Variants in KMT2C observed in about 807,000 individuals in gnomAD.
The protein encoded by KMT2C is histone-lysine N-methyltransferase 2C.
In KMT2C, 88 loss-of-function variants were observed where a neutral mutation model predicts 507.9. The ratio of observed to expected loss-of-function variants is 0.17; its 90% CI spans 0.15 to 0.21. The LOEUF is 0.21. Among genes scored for constraint, KMT2C ranks in the 10% least tolerant of loss-of-function variants. The pLI is 1.00. For missense variants in KMT2C, 4,954 were observed against 5,957.8 expected, an observed-to-expected ratio of 0.83 and a Z score of 5.55; for synonymous variants, 2,049 against 2,080.8, an observed-to-expected ratio of 0.98 and a Z score of 0.42.
chr7:152,426,584 T>C (rs1463153162), intron 1 of KMT2C, among the ~76,000 whole-genome samples: 1 of 152,116 alleles, frequency 6.6e-6, no homozygotes, highest in Non-Finnish European at 1.5e-5. Flanking sequence ...ATCACTTCTG[T>C]CTCTAAATAG....
intron 9 of KMT2C, among the ~76,000 whole-genome samples, chr7:152,255,023 A>G (rs998449730): frequency 4.7e-5 from 7 of 149,726 alleles, no homozygotes; most frequent in Non-Finnish European, 1.0e-4. Flanking sequence ...CCTAAAAGAC[A>G]CAAAACTAGA....
intron 53 of KMT2C, 137 bp downstream of exon 53, chr7:152,146,462 T>C (rs1587665573): frequency 3.8e-6 from 3 of 793,068 alleles, no homozygotes; most frequent in East Asian, 5.4e-5. Flanking sequence ...CAATGCCTTA[T>C]TCCTCTAAGA....
At chr7:152,206,496 A>T (rs1328949302) in intron 24 of KMT2C, among the ~76,000 whole-genome samples, 1 of 152,160 alleles carries the variant, frequency 6.6e-6, no homozygotes, top group Non-Finnish European at 1.5e-5. Flanking sequence ...GAAGTAAGAA[A>T]GTTCTTCCTT....
chr7:152,330,771 G>T lies in KMT2C; in HGVS notation c.251-32C>A, dbSNP rs772877833. 4 of 1,601,256 alleles carry T rather than the reference G, an allele frequency of 2.5e-6. No individual in the cohort carries two copies. In the East Asian group the frequency reaches 6.7e-5, roughly 27 times the overall value. Reference sequence around the variant, plus strand: ...AACAGTAAACAAGAGAAAACAAAGAGTCATTTTTGTGTTTATTTTAATCAC... The same window carrying T: ...AACAGTAAACAAGAGAAAACAAAGATTCATTTTTGTGTTTATTTTAATCAC... On this transcript the variant is annotated intron_variant, in intron 2 of 58. Coordinates refer to ENST00000262189, the MANE Select transcript of KMT2C (RefSeq NM_170606.3).
Position 152,138,572 on chromosome 7 carries a change from G to A in KMT2C, c.14643+224C>T, listed in dbSNP as rs2090147690. ...GCTGAACCCGTGGCACAGAAGGGAA[G>A]GGAGAGGTGACAGCAAATGCTCACA... On this transcript the variant is annotated intron_variant, in intron 58 of 58. Transcript: ENST00000262189. The surrounding 1 kb of genome is among the most constrained non-coding windows in gnomAD (Gnocchi z 4.2). 2.3e-6 allele frequency: 1 copy of A among 441,316 alleles called. No individual in the cohort carries two copies. The highest frequency in any genetic ancestry group is 4.1e-5 in the East Asian group (1 of 24,106). The allele number at this position is 441,316 out of a possible 1,614,324, so 27.3% of individuals were successfully genotyped here. A position where few individuals can be genotyped will look rare whatever the true frequency, so the allele number is the denominator to read the frequency against.
At chr7:152,153,093 A>T (rs2091771058) in intron 48 of KMT2C, 139 bp from the exon 49 acceptor site, 1 of 1,148,682 alleles carries the variant, frequency 8.7e-7, no homozygotes, top group Non-Finnish European at 1.2e-6. Flanking sequence ...TTTAGACTTA[A>T]AGAACCTCAG....
intron 1 of KMT2C, among the ~76,000 whole-genome samples, chr7:152,418,155 G>GCA (rs1467725721): frequency 6.8e-6 from 1 of 147,704 alleles, no homozygotes; most frequent in East Asian, 2.0e-4. Flanking sequence ...GGCCAGGCTG[G>GCA]TGTCAAACTC....
At chr7:152,375,325 A>G (rs2097320268) in intron 1 of KMT2C, among the ~76,000 whole-genome samples, 1 of 149,834 alleles carries the variant, frequency 6.7e-6, no homozygotes, top group Admixed American at 6.7e-5. Flanking sequence ...TACAGGCGTA[A>G]GCCACCACAC....
At chr7:152,295,180 A>G (rs926245205) in intron 6 of KMT2C, among the ~76,000 whole-genome samples, 1 of 152,098 alleles carries the variant, frequency 6.6e-6, no homozygotes, top group African/African-American at 2.4e-5. Context: ...AAGATTTTAC[A>G]CTCATTGGCC....
intron 9 of KMT2C, among the ~76,000 whole-genome samples, chr7:152,259,557 C>T (rs534424834): frequency 4.0e-5 from 6 of 151,170 alleles, no homozygotes; most frequent in South Asian, 4.2e-4. Context: ...TAAGTAAATG[C>T]GACATGGGTA....
At chr7:152,221,778 T>C (rs183793896) in intron 22 of KMT2C, among the ~76,000 whole-genome samples, 1 of 152,354 alleles carries the variant, frequency 6.6e-6, no homozygotes, top group East Asian at 1.9e-4. Flanking sequence ...ATGGTTATTC[T>C]AAGAGCTGTT....
chr7:152,181,954 G>A lies in KMT2C; in HGVS notation c.5906C>T (p.Thr1969Ile), dbSNP rs141426518. The change falls in exon 36 of 59, where the codon ACA becomes ATA. Residue 1969 changes from threonine (T) to isoleucine (I), a missense_variant. Physicochemically the swap from Thr to Ile is moderately conservative, Grantham distance 89. Coordinates refer to ENST00000262189, the MANE Select transcript of KMT2C (RefSeq NM_170606.3). ...NNDPYAKPPD[T>I]PRPVMTDQFP... is the part of the protein sequence containing the mutation. ...TTGATCTGTCATCACAGGCCTAGGT[G>A]TGTCTGGAGGTTTTGCATAGGGGTC... 44 of 1,614,110 alleles carry A rather than the reference G, an allele frequency of 2.7e-5. No individual in the cohort carries two copies. The highest frequency in any genetic ancestry group is 3.3e-5 in the Non-Finnish European group (39 of 1,180,046).
At chr7:152,274,769 C>T (rs1199911858) in intron 6 of KMT2C, among the ~76,000 whole-genome samples, 1 of 152,166 alleles carries the variant, frequency 6.6e-6, no homozygotes, top group Non-Finnish European at 1.5e-5. Flanking sequence ...TTACATGGTA[C>T]TTACTTGCTT....
chr7:152,248,652 G>A (rs374700850), intron 13 of KMT2C, 32 bp from the exon 14 acceptor site: 5 of 1,417,774 alleles, frequency 3.5e-6, no homozygotes, highest in African/African-American at 2.9e-5. Context: ...TTATGGCAAT[G>A]TACAAACAAA....
At chr7:152,213,413 G>C (rs201072218) in intron 23 of KMT2C, among the ~76,000 whole-genome samples, 29 of 152,130 alleles carry the variant, frequency 1.9e-4, no homozygotes, top group African/African-American at 7.0e-4. Flanking sequence ...ATAAACCCAA[G>C]CATATATTAT....
At chr7:152,227,448 T>C (rs1173547170) in intron 18 of KMT2C, among the ~76,000 whole-genome samples, 2 of 152,154 alleles carry the variant, frequency 1.3e-5, no homozygotes, top group Non-Finnish European at 1.5e-5. Context: ...TCCCATAAGA[T>C]AGTAGAAAAT....
intron 23 of KMT2C, among the ~76,000 whole-genome samples, chr7:152,218,147 C>A (rs573755630): frequency 9.9e-5 from 15 of 152,236 alleles, no homozygotes; most frequent in African/African-American, 3.4e-4. Context: ...CAAGAACATA[C>A]AAAAGACATA....
intron 6 of KMT2C, among the ~76,000 whole-genome samples, chr7:152,281,871 TGAAAG>T (rs961037779): frequency 2.0e-5 from 3 of 151,834 alleles, no homozygotes; most frequent in Admixed American, 6.6e-5. Context: ...AGTCAGGAAA[TGAAAG>T]GAACTGAACT....
Position 152,148,995 on chromosome 7 carries a change from G to T in KMT2C, c.12932C>A (p.Pro4311His), listed in dbSNP as rs1180100113. The change falls in exon 52 of 59, where the codon CCT becomes CAT. Residue 4311 changes from proline (P) to histidine (H), a missense_variant. Pro to His is a moderately conservative substitution (Grantham distance 77). Around this residue, in one of 29 missense-constraint regions of KMT2C, gnomAD observed 417 missense variants for 461.1 expected, o/e 0.90. Coordinates refer to ENST00000262189, the MANE Select transcript of KMT2C (RefSeq NM_170606.3). The surrounding 1 kb of genome is among the most constrained non-coding windows in gnomAD (Gnocchi z 7.1). ...CTCGACTTGGGCTGCTTCAAAAGCA[G>T]GAGGGAAGGCGATGGGTGGTGAGGC... ...PPASPPIAFP[P>H]AFEAAQVEAK... 1.3e-6 allele frequency: 2 copies of T among 1,570,308 alleles called. No homozygotes were observed. Among genetic ancestry groups the T allele is most frequent in the Non-Finnish European group, 1.7e-6 (2 of 1,160,134 alleles).
Sources: allele counts gnomAD v4.1 joint callset (sites outside exome capture counted in the v4.1 genomes callset), GRCh38; gene constraint gnomAD v4.1.1; regional missense constraint gnomAD v4.1.1; non-coding constraint Gnocchi (gnomAD v3.1); transcripts MANE v1.5; gene names NCBI Gene and HGNC (gene_info 2026-07-23, HGNC 2026-07-21).